The following MACROD2 variants were observed in gnomAD, a reference collection of about 807,000 sequenced individuals.
MACROD2 encodes ADP-ribose glycohydrolase MACROD2.
A neutral mutation model predicts 70.4 loss-of-function variants in MACROD2; 36 were observed. That is an observed-to-expected ratio of 0.51 (90% CI 0.39 to 0.68). The LOEUF (loss-of-function observed/expected upper bound fraction) is 0.68, where lower values mean the gene tolerates loss of function less well. Among genes scored for constraint, MACROD2 ranks in the 30% least tolerant of loss-of-function variants. The probability of loss-of-function intolerance (pLI) is 0.00; values close to 1 mark genes in which losing one functional copy is unlikely to be tolerated. For synonymous variants in MACROD2, 172 were observed against 178.8 expected (o/e 0.96, Z 0.30); for missense variants, 496 against 538.4 (o/e 0.92, Z 0.78).
intron 5 of MACROD2, among the ~76,000 whole-genome samples, chr20:14,778,773 A>G (rs1362627320): frequency 6.6e-6 from 1 of 152,064 alleles, no homozygotes; most frequent in African/African-American, 2.4e-5. Flanking sequence ...TGGTAGGCCC[A>G]GGTGAGGAAA....
rs907791867 is a variant in MACROD2, at chr20:13,995,900, C to G, written c.46+91C>G. 73 of 1,447,268 alleles carry G rather than the reference C, an allele frequency of 5.0e-5. No homozygotes were observed. The Middle Eastern group carries it at 7.1e-4, about 14-fold the overall frequency. The allele number at this position is 1,447,268 out of a possible 1,614,324, so 89.7% of individuals were successfully genotyped here. On this transcript the variant is annotated intron_variant, in intron 1 of 17. Transcript: ENST00000684519. This position sits in a 1 kb window ranked among gnomAD's most constrained non-coding sequence, Gnocchi z 4.3. ...TGTGTGTGCCGCGGCGCCCTCCGCCCGAGCTCCCGCCTCGCGCCCTCCCGG... is the reference window on the plus strand; with the variant it reads ...TGTGTGTGCCGCGGCGCCCTCCGCCGGAGCTCCCGCCTCGCGCCCTCCCGG...
In MACROD2 at chr20:15,002,112, T is replaced by C. The variant is rs146489212; in HGVS notation, c.419-227828T>C. 2.0e-4 allele frequency among the ~76,000 whole-genome samples: 31 copies of C among 152,350 alleles called. No individual in the cohort carries two copies. In the East Asian group the frequency reaches 5.6e-3, roughly 28 times the overall value. ...ATCTTTTTCATATAATGACTTCTTG[T>C]CCTCTGGGTAAATACCCAGTAGTGG... On this transcript the variant is annotated intron_variant, in intron 5 of 17. Transcript: ENST00000684519.
intron 3 of MACROD2, among the ~76,000 whole-genome samples, chr20:14,413,023 T>G (rs2083766248): frequency 6.6e-6 from 1 of 152,134 alleles, no homozygotes; most frequent in Non-Finnish European, 1.5e-5. Context: ...TGGCAGAGTC[T>G]CAGGCCCTGT....
At chr20:14,476,576 C>G (rs1420169385) in intron 3 of MACROD2, among the ~76,000 whole-genome samples, 1 of 152,164 alleles carries the variant, frequency 6.6e-6, no homozygotes, top group Middle Eastern at 3.4e-3. Context: ...AGGCTGGTCT[C>G]GAACTCCTGG....
At chr20:14,455,515 C>T (rs1268380367) in intron 3 of MACROD2, among the ~76,000 whole-genome samples, 2 of 151,772 alleles carry the variant, frequency 1.3e-5, no homozygotes, top group Admixed American at 6.6e-5. Context: ...ATTCAACCTG[C>T]CCCTGTGGTA....
At chr20:15,335,640 T>C (rs530726192) in intron 6 of MACROD2, among the ~76,000 whole-genome samples, 1 of 151,884 alleles carries the variant, frequency 6.6e-6, no homozygotes, top group Non-Finnish European at 1.5e-5. Context: ...TAGTTTGCTC[T>C]AAAGATATTT....
chr20:15,166,924 T>G (rs555643778), intron 5 of MACROD2, among the ~76,000 whole-genome samples: 182 of 148,876 alleles, frequency 1.2e-3, no homozygotes, highest in African/African-American at 4.3e-3. Flanking sequence ...AATTTAAGTA[T>G]TAAATTTAAG....
At chr20:15,036,196 CT>C (rs1424422484) in intron 5 of MACROD2, among the ~76,000 whole-genome samples, 1 of 152,098 alleles carries the variant, frequency 6.6e-6, no homozygotes, top group African/African-American at 2.4e-5. Context: ...CATTAATACT[CT>C]TTTTTCGTGT....
At chr20:14,117,154 A>G (rs2054526436) in intron 3 of MACROD2, among the ~76,000 whole-genome samples, 3 of 151,544 alleles carry the variant, frequency 2.0e-5, no homozygotes, top group Admixed American at 1.3e-4. Context: ...ACAATATTCT[A>G]TTTCCCTATC....
At chr20:15,138,578 C>T (rs549309897) in intron 5 of MACROD2, among the ~76,000 whole-genome samples, 1 of 152,236 alleles carries the variant, frequency 6.6e-6, no homozygotes, top group Non-Finnish European at 1.5e-5. Flanking sequence ...GTTTAATTTT[C>T]TCTCAAATAA....
At chr20:14,980,513 C>T (rs531465608) in intron 5 of MACROD2, among the ~76,000 whole-genome samples, 2 of 152,258 alleles carry the variant, frequency 1.3e-5, no homozygotes, top group East Asian at 3.9e-4. Context: ...CAACAGAAAA[C>T]AGACTAAGAC....
intron 4 of MACROD2, among the ~76,000 whole-genome samples, chr20:14,668,256 A>G (rs2070758025): frequency 6.6e-6 from 1 of 152,120 alleles, no homozygotes; most frequent in South Asian, 2.1e-4. Flanking sequence ...GAAAACCCCA[A>G]TGTCTTAGAG....
At chr20:15,990,684 G>T (rs2066545901) in intron 15 of MACROD2, among the ~76,000 whole-genome samples, 1 of 152,174 alleles carries the variant, frequency 6.6e-6, no homozygotes, top group South Asian at 2.1e-4. Context: ...CCAGTGACAA[G>T]TGTAAAGTAT....
intron 5 of MACROD2, among the ~76,000 whole-genome samples, chr20:14,872,350 A>C (rs2073498331): frequency 6.6e-6 from 1 of 152,110 alleles, no homozygotes; most frequent in Non-Finnish European, 1.5e-5. Context: ...GCTATTGCCA[A>C]GTTCTGGTCA....
chr20:14,441,747 T>C (rs1600240301), intron 3 of MACROD2, among the ~76,000 whole-genome samples: 1 of 152,198 alleles, frequency 6.6e-6, no homozygotes, highest in African/African-American at 2.4e-5. Flanking sequence ...TTCTAGTTAC[T>C]ATGTGCCTCA....
intron 2 of MACROD2, among the ~76,000 whole-genome samples, chr20:14,030,335 G>A (rs1385057838): frequency 3.9e-5 from 6 of 152,046 alleles, no homozygotes; most frequent in African/African-American, 1.4e-4. Context: ...ACTGTGCCCA[G>A]CCTATACTCT....
chr20:14,714,699 C>T (rs2071377656), intron 5 of MACROD2, among the ~76,000 whole-genome samples: 1 of 152,076 alleles, frequency 6.6e-6, no homozygotes, highest in African/African-American at 2.4e-5. Context: ...TCTTCTTTCC[C>T]CTCATTGTCT....
intron 3 of MACROD2, among the ~76,000 whole-genome samples, chr20:14,255,189 A>T (rs2122287757): frequency 6.6e-6 from 1 of 152,182 alleles, no homozygotes; most frequent in South Asian, 2.1e-4. Context: ...CTTAAATGTA[A>T]ATGGGCTAAA....
intron 5 of MACROD2, among the ~76,000 whole-genome samples, chr20:15,178,575 T>C (rs1249952653): frequency 2.0e-5 from 3 of 152,206 alleles, no homozygotes; most frequent in Non-Finnish European, 4.4e-5. Context: ...GCTTTCTCTC[T>C]TTTAACCTCC....
Sources: allele counts gnomAD v4.1 joint callset (sites outside exome capture counted in the v4.1 genomes callset), GRCh38; gene constraint gnomAD v4.1.1; non-coding constraint Gnocchi (gnomAD v3.1); transcripts MANE v1.5; gene names NCBI Gene and HGNC (gene_info 2026-07-23, HGNC 2026-07-21).